Variants in GPHN observed in about 807,000 individuals in gnomAD.
GPHN encodes gephyrin.
GPHN carries 17 observed loss-of-function variants against 95.5 expected under a neutral mutation model. The ratio of observed to expected loss-of-function variants is 0.18; its 90% CI spans 0.12 to 0.27. The LOEUF (loss-of-function observed/expected upper bound fraction) is 0.27. Ranked by LOEUF, GPHN falls within the 10% of genes least tolerant of loss-of-function variation. The pLI, the probability that GPHN is intolerant of heterozygous loss-of-function variation, is 1.00. For synonymous variants in GPHN, 320 were observed against 322.5 expected, an observed-to-expected ratio of 0.99 and a Z score of 0.08; for missense variants, 660 against 978.1, an observed-to-expected ratio of 0.67 and a Z score of 4.34.
At chr14:67,355,449 CAAAAAAAAAAAAAAAAA>C in the GPHN span, among the ~76,000 whole-genome samples, 34 of 18,964 alleles carry the variant, frequency 1.8e-3, no homozygotes, top group South Asian at 0.074. Flanking sequence ...GACCCTGTCT[CAAAAAAAAAAAAAAAAA>C]AAAAAAAAAA....
At chr14:67,251,656 G>A in the GPHN span, among the ~76,000 whole-genome samples, 2 of 152,210 alleles carry the variant, frequency 1.3e-5, no homozygotes, top group African/African-American at 4.8e-5. Context: ...CCCTTAATAT[G>A]GCTGTGATAC....
chr14:67,062,381 C>CT (rs1417170313), intron 11 of GPHN, among the ~76,000 whole-genome samples: 2 of 152,368 alleles, frequency 1.3e-5, no homozygotes, highest in South Asian at 2.1e-4. Context: ...TGCAAACACT[C>CT]TAACACCTGC....
At chr14:67,217,374 T>G in the GPHN span, among the ~76,000 whole-genome samples, 8 of 152,222 alleles carry the variant, frequency 5.3e-5, no homozygotes, top group African/African-American at 1.7e-4. Context: ...CCAGTCTATA[T>G]CTTTTAAGCA....
chr14:67,352,277 C>G, the GPHN span, among the ~76,000 whole-genome samples: 1 of 151,824 alleles, frequency 6.6e-6, no homozygotes, highest in East Asian at 1.9e-4. Flanking sequence ...AAAGACTAGC[C>G]TGGGCAACAT....
chr14:66,928,816 T>G (rs552424198), intron 8 of GPHN, among the ~76,000 whole-genome samples: 101 of 152,286 alleles, frequency 6.6e-4, no homozygotes, highest in African/African-American at 2.4e-3. Flanking sequence ...TCCGTATGTT[T>G]GTATCATTTC....
chr14:67,685,466 T>C, the GPHN span, among the ~76,000 whole-genome samples: 1 of 152,178 alleles, frequency 6.6e-6, no homozygotes, highest in African/African-American at 2.4e-5. Flanking sequence ...ACTCATCCTC[T>C]CAGCAGCACT....
At chr14:67,299,309 GA>G in the GPHN span, among the ~76,000 whole-genome samples, 3 of 152,144 alleles carry the variant, frequency 2.0e-5, no homozygotes, top group East Asian at 5.8e-4. Context: ...ATATCAAGGT[GA>G]ATATTTTGGT....
rs76614488 is a variant in GPHN, at chr14:67,011,926, G to A, written c.964-11707G>A. The stretch of plus-strand genomic sequence containing the variant: ...AGGCAAGATGTCTCAAAACTACTCT[G>A]GCTAATCCTAACCAAACCACTGTGT... On this transcript the variant is annotated intron_variant, in intron 9 of 22. Transcript: ENST00000478722. Among the ~76,000 whole-genome samples the A allele has an allele frequency of 1.7e-3, 254 of 150,592 alleles. 5 individuals are homozygous for A. The East Asian group carries it at 0.044, about 26-fold the overall frequency.
At chr14:67,248,222 A>C in the GPHN span, among the ~76,000 whole-genome samples, 4 of 152,314 alleles carry the variant, frequency 2.6e-5, no homozygotes, top group African/African-American at 9.6e-5. Context: ...AATATACATT[A>C]ACATTTATTC....
the GPHN span, chr14:67,376,435 C>A: frequency 1.3e-6 from 2 of 1,577,566 alleles, no homozygotes; most frequent in South Asian, 1.2e-5. Context: ...CATTTTATTT[C>A]TAGGTTTATA....
chr14:67,327,044 A>G, the GPHN span, among the ~76,000 whole-genome samples: 1 of 152,216 alleles, frequency 6.6e-6, no homozygotes, highest in African/African-American at 2.4e-5. Flanking sequence ...GTGTGGTGGC[A>G]TGCACCTGTA....
intron 8 of GPHN, among the ~76,000 whole-genome samples, chr14:66,946,510 A>T (rs1229199830): frequency 1.3e-5 from 2 of 152,090 alleles, no homozygotes; most frequent in Non-Finnish European, 2.9e-5. Context: ...GGTTCAAGTG[A>T]TTCTCCTGCC....
At chr14:66,948,053 TAGAG>T (rs1247430303) in intron 8 of GPHN, among the ~76,000 whole-genome samples, 1 of 152,162 alleles carries the variant, frequency 6.6e-6, no homozygotes, top group African/African-American at 2.4e-5. Context: ...ATAATGATAA[TAGAG>T]AATCATTTTT....
chr14:67,594,075 A>G, the GPHN span: 2 of 652,922 alleles, frequency 3.1e-6, no homozygotes. Flanking sequence ...AGGTGCTATG[A>G]AAGTATACAG....
the GPHN span, among the ~76,000 whole-genome samples, chr14:67,308,597 G>A: frequency 6.8e-6 from 1 of 146,950 alleles, no homozygotes; most frequent in Non-Finnish European, 1.5e-5. Context: ...CCAGGCTGGA[G>A]TGCAATGGTG....
chr14:67,226,533 G>A, the GPHN span, among the ~76,000 whole-genome samples: 2 of 152,126 alleles, frequency 1.3e-5, no homozygotes, highest in Non-Finnish European at 2.9e-5. Context: ...GCTAATTTTT[G>A]TATTTTTAGT....
chr14:67,072,354 T>A (rs1039144178), intron 11 of GPHN, among the ~76,000 whole-genome samples: 1 of 152,104 alleles, frequency 6.6e-6, no homozygotes, highest in Non-Finnish European at 1.5e-5. Context: ...AGAGAAAACC[T>A]TAGGTGACAG....
the GPHN span, among the ~76,000 whole-genome samples, chr14:67,366,181 C>G: frequency 7.9e-5 from 12 of 151,252 alleles, no homozygotes; most frequent in Non-Finnish European, 2.9e-5. Flanking sequence ...CTCCTGTGTT[C>G]AAGTGTTCCT....
chr14:66,642,993 A>AT (rs1352106427), intron 1 of GPHN, among the ~76,000 whole-genome samples: 1 of 152,138 alleles, frequency 6.6e-6, no homozygotes, highest in Non-Finnish European at 1.5e-5. Flanking sequence ...TAAGAACTTT[A>AT]GAAATCTAAA....
Sources: gnomAD v4.1 joint callset for allele counts (sites outside exome capture counted in the v4.1 genomes callset) on GRCh38, gnomAD v4.1.1 for gene constraint, MANE v1.5 for transcripts, NCBI Gene and HGNC (gene_info 2026-07-23, HGNC 2026-07-21) for gene names.